Variants in NAV2 observed in about 807,000 individuals in gnomAD.
NAV2 encodes the protein neuron navigator 2, also known as helicase, APC down-regulated 1.
A neutral mutation model predicts 223.2 loss-of-function variants in NAV2; 54 were observed. The observed-to-expected ratio is 0.24, with a 90% CI of 0.19 to 0.30. The LOEUF (loss-of-function observed/expected upper bound fraction) is 0.30, where lower values mean the gene tolerates loss of function less well. Among genes scored for constraint, NAV2 ranks in the 10% least tolerant of loss-of-function variants. The pLI is 1.00. For missense variants in NAV2, 2,806 were observed against 3,147.5 expected, an observed-to-expected ratio of 0.89 and a Z score of 2.60; for synonymous variants, 1,279 against 1,239.3, an observed-to-expected ratio of 1.03 and a Z score of -0.67.
At chr11:19,856,610 A>C (rs1181905264) in intron 3 of NAV2, among the ~76,000 whole-genome samples, 1 of 152,216 alleles carries the variant, frequency 6.6e-6, no homozygotes, top group East Asian at 1.9e-4. Flanking sequence ...TGTGCCTGGC[A>C]TATAATAATC....
At chr11:19,874,993 C>T (rs2062750862) in intron 4 of NAV2, among the ~76,000 whole-genome samples, 2 of 152,160 alleles carry the variant, frequency 1.3e-5, no homozygotes, top group Admixed American at 1.3e-4. Flanking sequence ...CCCATCTCTA[C>T]TGAAAACAAC....
intron 37 of NAV2, among the ~76,000 whole-genome samples, chr11:20,115,761 A>T (rs2153727463): frequency 6.6e-6 from 1 of 152,116 alleles, no homozygotes; most frequent in Admixed American, 6.5e-5. Flanking sequence ...AAAAATACAA[A>T]AATTAACTGG....
intron 10 of NAV2, among the ~76,000 whole-genome samples, chr11:19,970,243 A>T (rs968634927): frequency 1.3e-5 from 2 of 152,130 alleles, no homozygotes; most frequent in African/African-American, 2.4e-5. Flanking sequence ...ATCTCAGCTC[A>T]CTGCAACCTC....
chr11:20,032,066 T>C (rs1021182038), intron 11 of NAV2, among the ~76,000 whole-genome samples: 19 of 152,246 alleles, frequency 1.2e-4, no homozygotes, highest in African/African-American at 4.6e-4. Context: ...TAAGTGACTT[T>C]ATGTCAAGAT....
chr11:20,018,747 G>A (rs2054230011), intron 11 of NAV2, among the ~76,000 whole-genome samples: 1 of 152,188 alleles, frequency 6.6e-6, no homozygotes, highest in African/African-American at 2.4e-5. Context: ...AAGACAGACT[G>A]TTGAAAGACA....
In NAV2 at chr11:19,844,822, G is replaced by GTT. The variant is rs1197938980; in HGVS notation, c.438+1913_438+1914dup. On this transcript the variant is annotated intron_variant, in intron 3 of 37. Coordinates refer to ENST00000349880, the MANE Select transcript of NAV2 (RefSeq NM_145117.5). ...TTGTTTTTGTGTGTGTGAACTGTGT[G>GTT]TTTTTTTTTTTTTTTAGAACACAAG... Among the ~76,000 whole-genome samples, 238 of 133,156 alleles carry GTT rather than the reference G, an allele frequency of 1.8e-3. 1 individual carries two copies. The highest frequency in any genetic ancestry group is 5.6e-3 in the African/African-American group (205 of 36,588). The allele number at this position is 133,156 out of a possible 152,430, so 87.4% of individuals were successfully genotyped here.
At chr11:19,961,586 T>G (rs1302608500) in intron 10 of NAV2, among the ~76,000 whole-genome samples, 3 of 152,174 alleles carry the variant, frequency 2.0e-5, no homozygotes, top group Non-Finnish European at 4.4e-5. Context: ...TGGAAGAAAC[T>G]TTAGAGATAG....
At chr11:19,375,624 C>T (rs1848616054) in intron 1 of NAV2, among the ~76,000 whole-genome samples, 1 of 152,204 alleles carries the variant, frequency 6.6e-6, no homozygotes, top group Non-Finnish European at 1.5e-5. Context: ...GTGCCTAAAT[C>T]ACTGGATGCT....
intron 1 of NAV2, among the ~76,000 whole-genome samples, chr11:19,565,659 T>C (rs540624320): frequency 6.6e-6 from 1 of 152,300 alleles, no homozygotes; most frequent in East Asian, 1.9e-4. Context: ...GCCTTTTTTT[T>C]CCACAGAAAT....
At chr11:19,596,727 C>T (rs2046215646) in intron 1 of NAV2, among the ~76,000 whole-genome samples, 1 of 152,236 alleles carries the variant, frequency 6.6e-6, no homozygotes, top group East Asian at 1.9e-4. Flanking sequence ...AAACCTCTGC[C>T]ATGCTCAGAC....
intron 1 of NAV2, among the ~76,000 whole-genome samples, chr11:19,638,627 C>T (rs970159922): frequency 6.6e-6 from 1 of 152,204 alleles, no homozygotes; most frequent in Non-Finnish European, 1.5e-5. Flanking sequence ...CTATTATCAT[C>T]TTCATTATTT....
At chr11:19,523,786 T>C (rs1168861271) in intron 1 of NAV2, among the ~76,000 whole-genome samples, 4 of 152,130 alleles carry the variant, frequency 2.6e-5, no homozygotes, top group African/African-American at 7.2e-5. Flanking sequence ...GCATCCTCAC[T>C]CTCTATACCC....
intron 1 of NAV2, among the ~76,000 whole-genome samples, chr11:19,527,016 A>G (rs1378575651): frequency 2.6e-5 from 4 of 151,786 alleles, no homozygotes; most frequent in African/African-American, 7.3e-5. Context: ...TCTCCATGCT[A>G]TGGCATCTTT....
intron 1 of NAV2, among the ~76,000 whole-genome samples, chr11:19,629,187 T>C (rs1444780837): frequency 6.6e-6 from 1 of 152,064 alleles, no homozygotes; most frequent in African/African-American, 2.4e-5. Context: ...CCACCATTTC[T>C]GAGCCCTTGC....
At chr11:19,705,970 A>G (rs1448370290) in intron 1 of NAV2, among the ~76,000 whole-genome samples, 2 of 152,132 alleles carry the variant, frequency 1.3e-5, no homozygotes, top group Non-Finnish European at 2.9e-5. Context: ...ACATATCCAA[A>G]TGCTCACTAA....
intron 19 of NAV2, among the ~76,000 whole-genome samples, chr11:20,061,990 G>A (rs1005725861): frequency 2.0e-4 from 31 of 152,224 alleles, no homozygotes; most frequent in African/African-American, 7.5e-4. Context: ...AGTGCAGGTT[G>A]TGACAGTGAA....
In NAV2 at chr11:20,054,067, T is replaced by A; in HGVS notation, c.4482-13T>A. 6.2e-7 allele frequency: 1 copy of A among 1,611,830 alleles called. No individual in the cohort carries two copies. The highest frequency in any genetic ancestry group is 8.5e-7 in the Non-Finnish European group (1 of 1,179,492). On this transcript the variant is annotated splice_polypyrimidine_tract_variant and intron_variant, in intron 17 of 37. Coordinates refer to ENST00000349880, the MANE Select transcript of NAV2 (RefSeq NM_145117.5). ...GTTCATAGTTAATTCCGGCTTGATT[T>A]CTGTCTGTCCAGGTATACTCCCACC...
At chr11:19,358,857 G>A (rs917700290) in intron 1 of NAV2, among the ~76,000 whole-genome samples, 1 of 152,182 alleles carries the variant, frequency 6.6e-6, no homozygotes, top group Non-Finnish European at 1.5e-5. Flanking sequence ...AATGATGTGA[G>A]AAAATCATCA....
chr11:19,400,441 G>A (rs139237833), intron 1 of NAV2, among the ~76,000 whole-genome samples: 7 of 152,212 alleles, frequency 4.6e-5, no homozygotes, highest in East Asian at 3.9e-4. Context: ...GAGTCACATC[G>A]GTCCCTCTTA....
Sources: allele counts gnomAD v4.1 joint callset (sites outside exome capture counted in the v4.1 genomes callset), GRCh38; gene constraint gnomAD v4.1.1; transcripts MANE v1.5; gene names NCBI Gene and HGNC (gene_info 2026-07-23, HGNC 2026-07-21).